ZSCAN25: variants seen among roughly 807,000 people sequenced by gnomAD.
The protein encoded by ZSCAN25 is zinc finger and SCAN domain containing 25.
In ZSCAN25, 27 loss-of-function variants were observed where a neutral mutation model predicts 38.7. That is an observed-to-expected ratio of 0.70 (90% confidence interval 0.51 to 0.96). The LOEUF is 0.96. Ranked by LOEUF, ZSCAN25 falls within the 40% of genes least tolerant of loss-of-function variation. ZSCAN25 has a pLI of 0.00. For synonymous variants in ZSCAN25, 273 were observed against 277.7 expected (o/e 0.98, Z 0.17); for missense variants, 637 against 705.9 (o/e 0.90, Z 1.11).
chr7:99,731,103 G>T, the ZSCAN25 span: 1 of 1,613,838 alleles, frequency 6.2e-7, no homozygotes, highest in Non-Finnish European at 8.5e-7. Flanking sequence ...AGAGGTGTGG[G>T]CCCTGGAATT....
chr7:99,699,078 G>A, the ZSCAN25 span, among the ~76,000 whole-genome samples: 6 of 152,252 alleles, frequency 3.9e-5, no homozygotes, highest in South Asian at 1.2e-3. Context: ...ACCAGTGAGA[G>A]GGTTCATCCT....
the ZSCAN25 span, among the ~76,000 whole-genome samples, chr7:99,689,606 C>A: frequency 6.6e-6 from 1 of 152,180 alleles, no homozygotes; most frequent in Non-Finnish European, 1.5e-5. Context: ...TCAGCAAAGT[C>A]TCAGGATACA....
chr7:99,627,043 A>G (rs540637138), intron 7 of ZSCAN25, among the ~76,000 whole-genome samples: 121 of 152,356 alleles, frequency 7.9e-4, no homozygotes, highest in South Asian at 1.4e-3. Flanking sequence ...TCAAACATAC[A>G]GAAAAGCTAA....
the ZSCAN25 span, among the ~76,000 whole-genome samples, chr7:99,642,999 T>G: frequency 4.8e-4 from 73 of 152,354 alleles, 1 homozygote; most frequent in East Asian, 0.013. Context: ...ATTATTCTCA[T>G]TATTCTTGAG....
At chr7:99,626,070 G>A (rs932790642) in intron 7 of ZSCAN25, among the ~76,000 whole-genome samples, 2 of 152,206 alleles carry the variant, frequency 1.3e-5, no homozygotes, top group African/African-American at 4.8e-5. Flanking sequence ...CCAGTTGTTC[G>A]TCTGTTCTCA....
chr7:99,654,986 T>C, the ZSCAN25 span, among the ~76,000 whole-genome samples: 3 of 152,250 alleles, frequency 2.0e-5, no homozygotes, highest in Non-Finnish European at 4.4e-5. Context: ...TAGCCCTTTG[T>C]CAGATGAGTA....
the ZSCAN25 span, among the ~76,000 whole-genome samples, chr7:99,644,608 T>TA: frequency 6.6e-6 from 1 of 152,248 alleles, no homozygotes; most frequent in Non-Finnish European, 1.5e-5. Flanking sequence ...ATTACTGTAA[T>TA]TGATAGGAAG....
At chr7:99,661,550 AG>A in the ZSCAN25 span, among the ~76,000 whole-genome samples, 1 of 152,226 alleles carries the variant, frequency 6.6e-6, no homozygotes, top group Non-Finnish European at 1.5e-5. Context: ...TTCTCCTGAG[AG>A]AAGCTCACGA....
intron 7 of ZSCAN25, among the ~76,000 whole-genome samples, chr7:99,627,099 T>C (rs1807538978): frequency 6.6e-6 from 1 of 152,242 alleles, no homozygotes; most frequent in African/African-American, 2.4e-5. Flanking sequence ...CATTCACCAA[T>C]TGTTAACATT....
chr7:99,684,812 A>G, the ZSCAN25 span: 1 of 178,364 alleles, frequency 5.6e-6, no homozygotes, highest in East Asian at 1.5e-4. Flanking sequence ...TTTTGGATGA[A>G]ATTATTGAGA....
the ZSCAN25 span, chr7:99,671,456 A>T: frequency 9.2e-6 from 2 of 218,068 alleles, no homozygotes; most frequent in South Asian, 1.8e-4. Context: ...TAAGAAATAG[A>T]TTCACAAAAT....
the ZSCAN25 span, among the ~76,000 whole-genome samples, chr7:99,711,682 C>T: frequency 6.6e-6 from 1 of 152,158 alleles, no homozygotes; most frequent in Non-Finnish European, 1.5e-5. Flanking sequence ...GCAGAATAAT[C>T]GCTTGAATCT....
the ZSCAN25 span, among the ~76,000 whole-genome samples, chr7:99,644,716 A>T: frequency 6.6e-6 from 1 of 152,152 alleles, no homozygotes; most frequent in Non-Finnish European, 1.5e-5. Flanking sequence ...ATTCCTAGGG[A>T]TTATGATAGC....
the ZSCAN25 span, chr7:99,734,912 C>G: frequency 1.3e-6 from 2 of 1,542,122 alleles, no homozygotes; most frequent in Non-Finnish European, 1.8e-6. Context: ...TGAGCCACCA[C>G]GGCCAGCCTG....
chr7:99,634,399 AT>A (rs1808183042), downstream of ZSCAN25, among the ~76,000 whole-genome samples: 1 of 152,216 alleles, frequency 6.6e-6, no homozygotes, highest in Non-Finnish European at 1.5e-5. Context: ...CACGCCTGTA[AT>A]CCCAGCTCTT....
the ZSCAN25 span, among the ~76,000 whole-genome samples, chr7:99,690,643 G>C: frequency 3.3e-5 from 5 of 152,152 alleles, no homozygotes; most frequent in South Asian, 1.0e-3. Context: ...GATATGAACA[G>C]ACACTTCTCA....
the ZSCAN25 span, chr7:99,713,484 A>G: frequency 3.7e-6 from 6 of 1,613,454 alleles, no homozygotes; most frequent in Non-Finnish European, 5.1e-6. Context: ...TGGGTCTCAG[A>G]GTCTTTTGAA....
At chr7:99,706,701 T>C in the ZSCAN25 span, among the ~76,000 whole-genome samples, 16 of 152,370 alleles carry the variant, frequency 1.1e-4, no homozygotes, top group East Asian at 3.1e-3. Flanking sequence ...CAGACATGCA[T>C]GTGCACATGT....
At chr7:99,703,556 A>G in the ZSCAN25 span, among the ~76,000 whole-genome samples, 1 of 152,158 alleles carries the variant, frequency 6.6e-6, no homozygotes, top group African/African-American at 2.4e-5. Flanking sequence ...CTATCTACCC[A>G]TCTATCCATC....
Sources: gnomAD v4.1 joint callset for allele counts (sites outside exome capture counted in the v4.1 genomes callset) on GRCh38, gnomAD v4.1.1 for gene constraint, MANE v1.5 for transcripts, NCBI Gene and HGNC (gene_info 2026-07-23, HGNC 2026-07-21) for gene names.